The following RAB33B variants were observed in gnomAD, a reference collection of about 807,000 sequenced individuals.
The protein encoded by RAB33B is RAB33B, member RAS oncogene family, also known as ras-related protein Rab-33B.
In RAB33B, 6 loss-of-function variants were observed where a neutral mutation model predicts 15.0. The observed-to-expected ratio is 0.40, with a 90% confidence interval of 0.22 to 0.79. RAB33B has a LOEUF of 0.79. RAB33B is among the 30% of genes least tolerant of loss of function. The pLI is 0.37. For missense variants in RAB33B, 257 were observed against 296.4 expected (o/e 0.87, Z 0.98); for synonymous variants, 117 against 108.3 (o/e 1.08, Z -0.50).
Position 139,472,872 on chromosome 4 carries a change from G to C in RAB33B, c.436G>C (p.Val146Leu), listed in dbSNP as rs1313401877. 1 of 1,614,158 alleles carries C rather than the reference G, an allele frequency of 6.2e-7. No homozygotes were observed. The highest frequency in any genetic ancestry group is 8.5e-7 in the Non-Finnish European group (1 of 1,180,030). ...LLANDIPRIL[V>L]GNKCDLRSAI... is the part of the protein sequence containing the mutation. ...AGCCAATGATATACCACGGATTCTT[G>C]TTGGAAATAAATGTGACTTGAGAAG... Residue 146 changes from valine to leucine, a missense_variant, in exon 2 of 2, where the codon GTT (valine) becomes CTT (leucine). Transcript: ENST00000305626.
the RAB33B span, among the ~76,000 whole-genome samples, chr4:139,446,378 T>C: frequency 6.6e-6 from 1 of 152,202 alleles, no homozygotes; most frequent in Non-Finnish European, 1.5e-5. Context: ...AAAGGAAATC[T>C]TCCCAGTGGG....
rs764433053 is a variant in RAB33B at position 139,454,418 on chromosome 4, G to T, written c.223G>T (p.Val75Leu). 2 of 1,611,422 alleles carry T rather than the reference G, an allele frequency of 1.2e-6. No individual in the cohort carries two copies. The highest frequency in any genetic ancestry group is 1.7e-6 in the Non-Finnish European group (2 of 1,180,006). The change falls in exon 1 of 2, where the codon GTG becomes TTG. Residue 75 changes from valine to leucine, a missense_variant. Transcript: ENST00000305626. ...AGGGGTGGATTTCCGAGAACGAGCGGTGGAGATTGATGGGGAGCGCATCAA... is the reference window on the plus strand; with the variant it reads ...AGGGGTGGATTTCCGAGAACGAGCGTTGGAGATTGATGGGGAGCGCATCAA... ...TIGVDFRERAVEIDGERIKIQ... is the reference protein window; with the variant it reads ...TIGVDFRERALEIDGERIKIQ...
upstream of RAB33B, chr4:139,451,431 G>A (rs959152209): frequency 7.2e-6 from 1 of 138,892 alleles, no homozygotes; most frequent in Admixed American, 7.5e-5. Flanking sequence ...TTGGAGTGCA[G>A]TTTTGCGATT....
At chr4:139,460,716 A>C (rs529942592) in intron 1 of RAB33B, among the ~76,000 whole-genome samples, 11 of 152,338 alleles carry the variant, frequency 7.2e-5, no homozygotes, top group African/African-American at 2.6e-4. Flanking sequence ...AAGAATGCTG[A>C]AGAATCTTGT....
intron 1 of RAB33B, among the ~76,000 whole-genome samples, chr4:139,456,725 AT>A (rs1750077309): frequency 6.6e-6 from 1 of 152,158 alleles, no homozygotes; most frequent in Admixed American, 6.5e-5. Flanking sequence ...CTTGAGAGAG[AT>A]TTTTATTGTG....
At chr4:139,454,553 C>G in intron 1 of RAB33B, 109 bp downstream of exon 1, 1 of 1,262,216 alleles carries the variant, frequency 7.9e-7, no homozygotes, top group Non-Finnish European at 1.1e-6. Context: ...ATTTTTTTCT[C>G]ACGCTGATGA....
Position 139,473,233 on chromosome 4 carries a change from A to T in RAB33B, c.*107A>T. 2 of 992,042 alleles carry T rather than the reference A, an allele frequency of 2.0e-6. No individual in the cohort carries two copies. Among genetic ancestry groups the T allele is most frequent in the Admixed American group, 5.9e-5 (2 of 33,648 alleles). The allele number at this position is 992,042 out of a possible 1,614,324, so 61.5% of individuals were successfully genotyped here. A position where few individuals can be genotyped will look rare whatever the true frequency, so the allele number is the denominator to read the frequency against. On this transcript the variant is annotated 3_prime_UTR_variant, in exon 2 of 2. Coordinates refer to ENST00000305626, the MANE Select transcript of RAB33B (RefSeq NM_031296.3). Reference sequence around the variant, plus strand: ...CTCAACTATAATGGGTCATCTTGACACTTTGCTGTTTGTCATTGTCACGCT... The same window carrying T: ...CTCAACTATAATGGGTCATCTTGACTCTTTGCTGTTTGTCATTGTCACGCT...
At chr4:139,438,986 G>A in the RAB33B span, among the ~76,000 whole-genome samples, 1 of 151,958 alleles carries the variant, frequency 6.6e-6, no homozygotes, top group East Asian at 1.9e-4. Context: ...CTTCAATTTC[G>A]AAGGACAGTT....
the RAB33B span, among the ~76,000 whole-genome samples, chr4:139,443,053 C>T: frequency 1.6e-3 from 242 of 150,970 alleles, 1 homozygote; most frequent in African/African-American, 5.6e-3. Flanking sequence ...AGTGCAGTGG[C>T]GCAGTCTTGG....
chr4:139,469,267 A>G (rs1750348256), intron 1 of RAB33B, among the ~76,000 whole-genome samples: 1 of 150,786 alleles, frequency 6.6e-6, no homozygotes, highest in Non-Finnish European at 1.5e-5. Flanking sequence ...TTTTTCTTTT[A>G]TCTCCTCTGT....
chr4:139,468,493 T>G (rs571366523), intron 1 of RAB33B, among the ~76,000 whole-genome samples: 10 of 152,248 alleles, frequency 6.6e-5, no homozygotes, highest in Non-Finnish European at 5.9e-5. Context: ...TTGTTTCTAT[T>G]TATATCTTAT....
intron 1 of RAB33B, among the ~76,000 whole-genome samples, chr4:139,463,715 T>C (rs1750216330): frequency 6.6e-6 from 1 of 152,222 alleles, no homozygotes; most frequent in Non-Finnish European, 1.5e-5. Context: ...TCTGTCTGTC[T>C]CCTTCAAAGT....
intron 1 of RAB33B, among the ~76,000 whole-genome samples, chr4:139,468,324 C>A (rs920698480): frequency 2.6e-5 from 4 of 152,212 alleles, no homozygotes; most frequent in African/African-American, 9.7e-5. Context: ...CAGGGTCCCT[C>A]CCACAACACG....
At position 139,454,387 on chromosome 4, in the gene RAB33B, C is replaced by T; in HGVS notation, c.192C>T (p.Ala64=). Residue 64 remains alanine (A), a synonymous_variant, in exon 1 of 2, where the codon GCC becomes GCT. Transcript: ENST00000305626. ...GCCGCTTCCCCGACCGCACCGAGGC[C>T]ACGATAGGGGTGGATTTCCGAGAAC... ...CAGRFPDRTE[A]TIGVDFRERA... The T allele has an allele frequency of 1.2e-6, 2 of 1,613,604 alleles. No individual in the cohort carries two copies. The highest frequency in any genetic ancestry group is 1.1e-5 in the South Asian group (1 of 91,084).
intron 1 of RAB33B, among the ~76,000 whole-genome samples, chr4:139,463,416 G>A (rs915216110): frequency 6.6e-6 from 1 of 152,182 alleles, no homozygotes; most frequent in African/African-American, 2.4e-5. Flanking sequence ...GATGACAGGT[G>A]TGAGCCACCA....
At chr4:139,464,386 GTTTTTTTT>G (rs372330119) in intron 1 of RAB33B, among the ~76,000 whole-genome samples, 4 of 101,782 alleles carry the variant, frequency 3.9e-5, no homozygotes, top group South Asian at 3.7e-4. Context: ...GAGGAATACT[GTTTTTTTT>G]TTTTTTTTTT....
chr4:139,469,073 C>G (rs551828492), intron 1 of RAB33B, among the ~76,000 whole-genome samples: 1 of 152,100 alleles, frequency 6.6e-6, no homozygotes, highest in Admixed American at 6.5e-5. Context: ...TGTTCTATAA[C>G]TTTCTTATAC....
chr4:139,468,379 A>G (rs187176288), intron 1 of RAB33B, among the ~76,000 whole-genome samples: 1 of 152,354 alleles, frequency 6.6e-6, no homozygotes, highest in Admixed American at 6.5e-5. Context: ...GCCAAACCAT[A>G]TCACCTGATA....
At chr4:139,445,853 C>A in the RAB33B span, among the ~76,000 whole-genome samples, 1 of 152,180 alleles carries the variant, frequency 6.6e-6, no homozygotes, top group African/African-American at 2.4e-5. Context: ...ATAGGTGAAT[C>A]ACAGTAGAGG....
Sources: gnomAD v4.1 joint callset for allele counts (sites outside exome capture counted in the v4.1 genomes callset) on GRCh38, gnomAD v4.1.1 for gene constraint, MANE v1.5 for transcripts, NCBI Gene and HGNC (gene_info 2026-07-23, HGNC 2026-07-21) for gene names.